The following CNTN4 variants were observed in gnomAD, a reference collection of about 807,000 sequenced individuals.
CNTN4 encodes contactin 4.
CNTN4 carries 77 observed loss-of-function variants against 122.5 expected under a neutral mutation model. That is an observed-to-expected ratio of 0.63 (90% confidence interval 0.52 to 0.76). CNTN4 has a LOEUF of 0.76. Ranked by LOEUF, CNTN4 falls within the 30% of genes least tolerant of loss-of-function variation. CNTN4 has a pLI of 0.00. For missense variants in CNTN4, 1,256 were observed against 1,259.1 expected (o/e 1.00, Z 0.04); for synonymous variants, 512 against 447.0 (o/e 1.15, Z -1.83).
intron 2 of CNTN4, among the ~76,000 whole-genome samples, chr3:2,225,806 C>G (rs1325763444): frequency 1.3e-5 from 2 of 152,294 alleles, no homozygotes; most frequent in East Asian, 3.9e-4. Context: ...GACTGGCTCA[C>G]ATCTTCTGTC....
intron 3 of CNTN4, among the ~76,000 whole-genome samples, chr3:2,523,129 A>G (rs1389268462): frequency 6.6e-6 from 1 of 152,100 alleles, no homozygotes; most frequent in Non-Finnish European, 1.5e-5. Flanking sequence ...GAATTGAGGT[A>G]TGTACTGGAG....
chr3:2,338,640 T>C (rs2044056278), intron 2 of CNTN4, among the ~76,000 whole-genome samples: 1 of 152,002 alleles, frequency 6.6e-6, no homozygotes, highest in Admixed American at 6.6e-5. Context: ...TAAATTTAGT[T>C]CTTCAGGGAA....
chr3:2,323,000 C>G (rs1315418286), intron 2 of CNTN4, among the ~76,000 whole-genome samples: 3 of 152,104 alleles, frequency 2.0e-5, no homozygotes, highest in Admixed American at 2.0e-4. Flanking sequence ...TCATGTCTGA[C>G]TCCTGTCATA....
intron 3 of CNTN4, among the ~76,000 whole-genome samples, chr3:2,527,908 G>GA (rs1177779011): frequency 9.2e-5 from 14 of 152,036 alleles, no homozygotes; most frequent in Admixed American, 7.9e-4. Context: ...TCTAAAGCAA[G>GA]AGTTCTGCTT....
chr3:2,758,126 T>A (rs1343910538), intron 6 of CNTN4, among the ~76,000 whole-genome samples: 1 of 152,230 alleles, frequency 6.6e-6, no homozygotes, highest in African/African-American at 2.4e-5. Context: ...CTTTATATAG[T>A]CCTATAAGTA....
chr3:2,484,678 C>T (rs1359984448), intron 3 of CNTN4, among the ~76,000 whole-genome samples: 1 of 152,230 alleles, frequency 6.6e-6, no homozygotes. Flanking sequence ...CTGCTGCTAT[C>T]CTGCTGACAT....
At chr3:2,766,539 A>T (rs1357437132) in intron 6 of CNTN4, among the ~76,000 whole-genome samples, 1 of 152,200 alleles carries the variant, frequency 6.6e-6, no homozygotes, top group African/African-American at 2.4e-5. Context: ...GTGGGAGCTA[A>T]GCTATGAGGA....
At chr3:2,172,383 G>T (rs923895815) in intron 2 of CNTN4, among the ~76,000 whole-genome samples, 1 of 152,042 alleles carries the variant, frequency 6.6e-6, no homozygotes, top group East Asian at 1.9e-4. Context: ...TGATTTAATG[G>T]ACTTTGGGGA....
chr3:2,228,670 TTAAC>T (rs1365185698), intron 2 of CNTN4, among the ~76,000 whole-genome samples: 3 of 152,314 alleles, frequency 2.0e-5, no homozygotes, highest in African/African-American at 4.8e-5. Context: ...GGTCTAATGA[TTAAC>T]TAATTTCCTT....
In CNTN4 at chr3:2,385,151, CCATAATCCATAACT is replaced by C. The variant is rs2046198799; in HGVS notation, c.-89+45923_-89+45936del. On this transcript the variant is annotated intron_variant, in intron 3 of 24. Transcript: ENST00000418658. The surrounding 1 kb of genome is among the most constrained non-coding windows in gnomAD (Gnocchi z 4.0). ...TAAACATATCATTTTCTACTTTAAA[CCATAATCCATAACT>C]CATATCAACAAGGTTAATCCCAAAC... is the stretch of plus-strand genomic sequence containing the variant. Among the ~76,000 whole-genome samples, 2 of 152,098 alleles carry C rather than the reference CCATAATCCATAACT, an allele frequency of 1.3e-5. No homozygotes were observed. Among genetic ancestry groups the C allele is most frequent in the South Asian group, 4.1e-4 (2 of 4,820 alleles).
At chr3:2,844,547 T>C (rs2093422483) in intron 7 of CNTN4, among the ~76,000 whole-genome samples, 1 of 152,144 alleles carries the variant, frequency 6.6e-6, no homozygotes, top group African/African-American at 2.4e-5. Context: ...ACTGGGCAAT[T>C]ACCCATATTA....
At chr3:2,812,499 G>A (rs1170675326) in intron 6 of CNTN4, among the ~76,000 whole-genome samples, 9 of 152,076 alleles carry the variant, frequency 5.9e-5, no homozygotes, top group Admixed American at 5.9e-4. Context: ...ATCTTGACTT[G>A]AAAGCATAAT....
At chr3:2,698,580 A>C (rs1195616993) in intron 4 of CNTN4, among the ~76,000 whole-genome samples, 1 of 152,226 alleles carries the variant, frequency 6.6e-6, no homozygotes, top group Non-Finnish European at 1.5e-5. Context: ...TGCCAGTCAG[A>C]TGTCTACATA....
At chr3:2,582,421 C>G (rs2079984969) in intron 4 of CNTN4, among the ~76,000 whole-genome samples, 1 of 152,168 alleles carries the variant, frequency 6.6e-6, no homozygotes, top group South Asian at 2.1e-4. Context: ...TTCCACTCCT[C>G]CGTTATGGAG....
intron 6 of CNTN4, among the ~76,000 whole-genome samples, chr3:2,763,139 G>C (rs6787620): frequency 0.7 from 105,680 of 151,688 alleles, 37,973 homozygotes; most frequent in Non-Finnish European, 0.79. Context: ...TAGAGACGGG[G>C]TTTCACCATG....
At chr3:2,177,835 A>G (rs1339806046) in intron 2 of CNTN4, among the ~76,000 whole-genome samples, 1 of 152,128 alleles carries the variant, frequency 6.6e-6, no homozygotes, top group Non-Finnish European at 1.5e-5. Context: ...TTTCAAAGCA[A>G]TATCAAGACT....
At chr3:2,143,638 C>T (rs999235732) in intron 2 of CNTN4, among the ~76,000 whole-genome samples, 2 of 152,110 alleles carry the variant, frequency 1.3e-5, no homozygotes, top group Non-Finnish European at 2.9e-5. Flanking sequence ...TTGTTAAATG[C>T]ATGTTGTGTG....
At chr3:2,734,253 G>A (rs1418731155) in intron 4 of CNTN4, among the ~76,000 whole-genome samples, 1 of 152,046 alleles carries the variant, frequency 6.6e-6, no homozygotes, top group Non-Finnish European at 1.5e-5. Flanking sequence ...TAGAGATAGG[G>A]TCTCCCTGTG....
At position 2,914,730 on chromosome 3, in the gene CNTN4, C is replaced by G. The variant is rs193158920; in HGVS notation, c.1208-10899C>G. 2.6e-5 allele frequency among the ~76,000 whole-genome samples: 4 copies of G among 152,320 alleles called. No homozygotes were observed. In the East Asian group the frequency reaches 7.7e-4, roughly 29 times the overall value. On this transcript the variant is annotated intron_variant, in intron 12 of 24. Transcript: ENST00000418658. ...TTAAAGAAGAATTAACACCAGTTTT[C>G]CCCAAACCCTTCCAAAGAATTAAAG...
Sources: allele counts gnomAD v4.1 joint callset (sites outside exome capture counted in the v4.1 genomes callset), GRCh38; gene constraint gnomAD v4.1.1; non-coding constraint Gnocchi (gnomAD v3.1); transcripts MANE v1.5; gene names NCBI Gene and HGNC (gene_info 2026-07-23, HGNC 2026-07-21).